Variants in ARHGAP15 observed in about 807,000 individuals in gnomAD.
ARHGAP15 encodes the protein rho GTPase-activating protein 15.
A neutral mutation model predicts 63.7 loss-of-function variants in ARHGAP15; 51 were observed. The observed-to-expected ratio is 0.80, with a 90% CI of 0.64 to 1.01. The LOEUF (loss-of-function observed/expected upper bound fraction) is 1.01. ARHGAP15 is among the 50% of genes least tolerant of loss of function. The pLI, the probability that ARHGAP15 is intolerant of heterozygous loss-of-function variation, is 0.00. For missense variants in ARHGAP15, 560 were observed against 564.6 expected (o/e 0.99, Z 0.08); for synonymous variants, 191 against 193.8 (o/e 0.99, Z 0.12).
At chr2:143,137,099 G>A (rs571299176) in intron 1 of ARHGAP15, among the ~76,000 whole-genome samples, 1 of 152,114 alleles carries the variant, frequency 6.6e-6, no homozygotes, top group East Asian at 1.9e-4. Context: ...CTTCAAATTA[G>A]ATTCAATCTC....
At chr2:143,566,287 C>T (rs558882126) in intron 11 of ARHGAP15, among the ~76,000 whole-genome samples, 57 of 152,162 alleles carry the variant, frequency 3.7e-4, no homozygotes, top group Admixed American at 3.2e-3. Context: ...CACTGAGGGT[C>T]CCAGCACAGC....
chr2:143,423,786 T>G (rs1421950018), intron 6 of ARHGAP15, among the ~76,000 whole-genome samples: 1 of 152,168 alleles, frequency 6.6e-6, no homozygotes, highest in South Asian at 2.1e-4. Flanking sequence ...GTTCTTCTCC[T>G]GGATTGTATT....
At chr2:143,388,891 G>A (rs1352840356) in intron 6 of ARHGAP15, among the ~76,000 whole-genome samples, 3 of 151,760 alleles carry the variant, frequency 2.0e-5, no homozygotes, top group Non-Finnish European at 4.4e-5. Context: ...TATAAACATC[G>A]ATATGAATAC....
chr2:143,627,484 A>G (rs1698879904), intron 12 of ARHGAP15, among the ~76,000 whole-genome samples: 1 of 152,204 alleles, frequency 6.6e-6, no homozygotes, highest in Non-Finnish European at 1.5e-5. Flanking sequence ...TAAAAACCAC[A>G]CCAGAGGAAA....
intron 6 of ARHGAP15, among the ~76,000 whole-genome samples, chr2:143,288,083 T>TG (rs1682199826): frequency 6.6e-6 from 1 of 152,180 alleles, no homozygotes; most frequent in Non-Finnish European, 1.5e-5. Context: ...TTGCATTTGA[T>TG]GAGAAGCACG....
intron 11 of ARHGAP15, among the ~76,000 whole-genome samples, chr2:143,615,030 C>G (rs1277278789): frequency 6.6e-6 from 1 of 152,204 alleles, no homozygotes; most frequent in Non-Finnish European, 1.5e-5. Flanking sequence ...ATTTATACAT[C>G]TCCCAACTCT....
chr2:143,637,490 T>C (rs976923895), intron 12 of ARHGAP15, among the ~76,000 whole-genome samples: 10 of 152,052 alleles, frequency 6.6e-5, no homozygotes, highest in African/African-American at 2.4e-4. Flanking sequence ...AAAAGACTTA[T>C]GTCACCTGAG....
chr2:143,552,432 T>C (rs1336096202), intron 10 of ARHGAP15, among the ~76,000 whole-genome samples: 1 of 152,122 alleles, frequency 6.6e-6, no homozygotes, highest in Non-Finnish European at 1.5e-5. Flanking sequence ...TTTTGCAAAG[T>C]GTCTAAGATT....
rs1033421902 is a variant in ARHGAP15, at chr2:143,165,972, A to G, written c.165+10317A>G. On this transcript the variant is annotated intron_variant, in intron 2 of 13. Coordinates refer to ENST00000295095, the MANE Select transcript of ARHGAP15 (RefSeq NM_018460.4). ...AAAGAAAGAAAGAGAGAAAGAAAGAAAGAAAGAAAGAAAGAAAGAAAGAAA... is the reference window on the plus strand; with the variant it reads ...AAAGAAAGAAAGAGAGAAAGAAAGAGAGAAAGAAAGAAAGAAAGAAAGAAA... Among the ~76,000 whole-genome samples, 8 of 133,426 alleles carry G rather than the reference A, an allele frequency of 6.0e-5. No individual in the cohort carries two copies. The East Asian group carries it at 1.3e-3, about 22-fold the overall frequency. The allele number at this position is 133,426 out of a possible 152,430, so 87.5% of individuals were successfully genotyped here.
intron 11 of ARHGAP15, among the ~76,000 whole-genome samples, chr2:143,601,811 GGAAT>G: frequency 1.3e-5 from 2 of 152,062 alleles, no homozygotes; most frequent in East Asian, 3.9e-4. Context: ...ACTTTCTTTG[GGAAT>G]GATTTGTTAA....
intron 13 of ARHGAP15, among the ~76,000 whole-genome samples, chr2:143,719,186 G>A (rs191631760): frequency 1.1e-3 from 169 of 152,190 alleles, no homozygotes; most frequent in African/African-American, 3.8e-3. Context: ...GTCAATAGAC[G>A]CCTCTTCATA....
chr2:143,586,571 G>A (rs1697117312), intron 11 of ARHGAP15, among the ~76,000 whole-genome samples: 1 of 151,458 alleles, frequency 6.6e-6, no homozygotes, highest in Non-Finnish European at 1.5e-5. Flanking sequence ...ACATTTATAG[G>A]GATTTGTTAA....
intron 6 of ARHGAP15, among the ~76,000 whole-genome samples, chr2:143,289,841 A>C (rs1326196051): frequency 6.6e-6 from 1 of 152,198 alleles, no homozygotes; most frequent in Non-Finnish European, 1.5e-5. Flanking sequence ...AAGAAGAATT[A>C]TTTCAAAGCT....
intron 9 of ARHGAP15, among the ~76,000 whole-genome samples, chr2:143,495,202 T>C (rs1187294628): frequency 3.9e-5 from 6 of 152,230 alleles, no homozygotes; most frequent in African/African-American, 1.4e-4. Context: ...TTCTTATTTT[T>C]ATCTTTCTTT....
chr2:143,340,527 CT>C (rs5834944), intron 6 of ARHGAP15, among the ~76,000 whole-genome samples: 40 of 148,808 alleles, frequency 2.7e-4, no homozygotes, highest in African/African-American at 4.2e-4. Flanking sequence ...GATTTTTTCT[CT>C]TTTTTTTTTT....
chr2:143,372,764 G>A (rs6707980), intron 6 of ARHGAP15, among the ~76,000 whole-genome samples: 95,481 of 151,976 alleles, frequency 0.63, 30,646 homozygotes, highest in African/African-American at 0.75. Context: ...TTTGATTTCA[G>A]TGTTATGTCA....
At position 143,384,945 on chromosome 2, in the gene ARHGAP15, A is replaced by C. The variant is rs13426404; in HGVS notation, c.475-50656A>C. Among the ~76,000 whole-genome samples the C allele has an allele frequency of 7.5e-3, 1,148 of 152,316 alleles. 13 individuals carry two copies. Among genetic ancestry groups the C allele is most frequent in the African/African-American group, 0.026 (1,096 of 41,566 alleles). On this transcript the variant is annotated intron_variant, in intron 6 of 13. Transcript: ENST00000295095. ...TTTACTTTGGAACACTGAATAAGAC[A>C]TTCCTTTATAGAAAGATACTTTGTT...
At chr2:143,424,256 G>T (rs1025970363) in intron 6 of ARHGAP15, among the ~76,000 whole-genome samples, 2 of 152,106 alleles carry the variant, frequency 1.3e-5, no homozygotes, top group African/African-American at 4.8e-5. Context: ...GTTTACTGAT[G>T]AGTGGATGTA....
chr2:143,335,054 A>G (rs1052534918), intron 6 of ARHGAP15, among the ~76,000 whole-genome samples: 4 of 152,236 alleles, frequency 2.6e-5, no homozygotes, highest in Non-Finnish European at 4.4e-5. Context: ...AATGTTGAGC[A>G]TAACAAAGAT....
Sources: gnomAD v4.1 joint callset for allele counts (sites outside exome capture counted in the v4.1 genomes callset) on GRCh38, gnomAD v4.1.1 for gene constraint, MANE v1.5 for transcripts, NCBI Gene and HGNC (gene_info 2026-07-23, HGNC 2026-07-21) for gene names.